Variants in GCN1 observed in about 807,000 individuals in gnomAD.
GCN1 encodes the protein GCN1 activator of EIF2AK4.
A neutral mutation model predicts 288.4 loss-of-function variants in GCN1; 90 were observed. The observed-to-expected ratio is 0.31, with a 90% CI of 0.26 to 0.37. The LOEUF (loss-of-function observed/expected upper bound fraction) is 0.37, where lower values mean the gene tolerates loss of function less well. GCN1 is among the 10% of genes least tolerant of loss of function. The pLI, the probability that GCN1 is intolerant of heterozygous loss-of-function variation, is 1.00. For missense variants in GCN1, 2,586 were observed against 3,419.9 expected (o/e 0.76, Z 6.08); for synonymous variants, 1,386 against 1,420.2 (o/e 0.98, Z 0.54).
At chr12:120,184,291 A>T in intron 3 of GCN1, 48 bp from the exon 4 acceptor site, 1 of 1,571,078 alleles carries the variant, frequency 6.4e-7, no homozygotes, top group Non-Finnish European at 8.6e-7. Flanking sequence ...CCTCAGGCAG[A>T]GGCAGGGGCA....
intron 1 of GCN1, among the ~76,000 whole-genome samples, chr12:120,192,954 T>G (rs974959859): frequency 6.6e-6 from 1 of 152,110 alleles, no homozygotes; most frequent in African/African-American, 2.4e-5. Context: ...GAGAATTGCT[T>G]GAACCTGGGA....
intron 45 of GCN1, 118 bp from the exon 46 acceptor site, chr12:120,138,974 T>C (rs764128408): frequency 3.3e-5 from 26 of 793,806 alleles, no homozygotes; most frequent in Non-Finnish European, 4.8e-5. Flanking sequence ...TCTCTTTGCC[T>C]GACTTGTCTT....
At chr12:120,166,660 C>T (rs1173169516) in intron 16 of GCN1, among the ~76,000 whole-genome samples, 3 of 147,736 alleles carry the variant, frequency 2.0e-5, no homozygotes, top group African/African-American at 5.0e-5. Context: ...GCTGAGATCG[C>T]GCCACTGCAC....
In GCN1 at chr12:120,184,109, TACCTGGGAAC is replaced by T; in HGVS notation, c.310_317+2del. The T allele has an allele frequency of 2.5e-6, 4 of 1,611,338 alleles. No homozygotes were observed. The highest frequency in any genetic ancestry group is 2.5e-6 in the Non-Finnish European group (3 of 1,178,272). On this transcript the variant is annotated splice_donor_variant and coding_sequence_variant, in exon 4 of 58. Transcript: ENST00000300648. LOFTEE classifies it high-confidence loss of function. ...TCAGGGGGCCACAACTTTTACCTCTTACCTGGGAACACCTGCTTTGGAGCCTATACCAGAA... is the reference window on the plus strand; with the variant it reads ...TCAGGGGGCCACAACTTTTACCTCTTACCTGCTTTGGAGCCTATACCAGAA...
Position 120,176,469 on chromosome 12 carries a change from A to G in GCN1, c.839-252T>C, listed in dbSNP as rs565716795. ...ACAGGGACAGAGACTCAACCCTCAGATCCCATGATTTCAAGTGCCACCTCC... is the reference window on the plus strand; with the variant it reads ...ACAGGGACAGAGACTCAACCCTCAGGTCCCATGATTTCAAGTGCCACCTCC... On this transcript the variant is annotated intron_variant, in intron 9 of 57. Coordinates refer to ENST00000300648, the MANE Select transcript of GCN1 (RefSeq NM_006836.2). Among the ~76,000 whole-genome samples the G allele has an allele frequency of 6.6e-5, 10 of 152,306 alleles. No homozygotes were observed. In the South Asian group the frequency reaches 8.3e-4, roughly 13 times the overall value.
rs1877757154 is a variant in GCN1 at position 120,156,625 on chromosome 12, C to T, written c.3169-21G>A. On this transcript the variant is annotated intron_variant, in intron 27 of 57. Coordinates refer to ENST00000300648, the MANE Select transcript of GCN1 (RefSeq NM_006836.2). This position sits in a 1 kb window ranked among gnomAD's most constrained non-coding sequence, Gnocchi z 5.8. ...AGAACCTAAGGAGAACATCAATCCA[C>T]TGGTTCAGTCAGCAACTCATTTACT... The T allele has an allele frequency of 6.2e-7, 1 of 1,612,796 alleles. No individual in the cohort carries two copies. Among genetic ancestry groups the T allele is most frequent in the Non-Finnish European group, 8.5e-7 (1 of 1,179,088 alleles).
chr12:120,158,494 G>A lies in GCN1; in HGVS notation c.2871C>T (p.His957=), dbSNP rs376783689. 1.5e-3 allele frequency: 2,346 copies of A among 1,562,122 alleles called. No individual in the cohort carries two copies. The highest frequency in any genetic ancestry group is 1.9e-3 in the Non-Finnish European group (2,170 of 1,152,788). The change falls in exon 25 of 58, where the codon CAC becomes CAT. Residue 957 remains histidine (H), a synonymous_variant. Coordinates refer to ENST00000300648, the MANE Select transcript of GCN1 (RefSeq NM_006836.2). The surrounding 1 kb of genome is among the most constrained non-coding windows in gnomAD (Gnocchi z 4.3). ...VKRAVMLLHT[H]TITSRVGKGE... ...CCTTGCCCACCCTGCTGGTGATGGTGTGGGTGTGCAGCAGCATCACCGCCC... is the reference window on the plus strand; with the variant it reads ...CCTTGCCCACCCTGCTGGTGATGGTATGGGTGTGCAGCAGCATCACCGCCC...
intron 38 of GCN1, 94 bp from the exon 39 acceptor site, chr12:120,145,424 C>G: frequency 1.0e-6 from 1 of 954,356 alleles, no homozygotes; most frequent in Admixed American, 3.0e-5. Flanking sequence ...ATTCTGCTGG[C>G]AAGGAGTGCT....
intron 44 of GCN1, among the ~76,000 whole-genome samples, chr12:120,141,560 G>A (rs1458213280): frequency 6.6e-6 from 1 of 152,170 alleles, no homozygotes; most frequent in Admixed American, 6.5e-5. Context: ...GCCCCTGCCA[G>A]CGCGCCAGCC....
At position 120,155,104 on chromosome 12, in the gene GCN1, G is replaced by T. The variant is rs1214446416; in HGVS notation, c.3631-64C>A. 9 of 1,538,754 alleles carry T rather than the reference G, an allele frequency of 5.8e-6. No individual in the cohort carries two copies. The highest frequency in any genetic ancestry group is 4.5e-5 in the East Asian group (2 of 44,514). On this transcript the variant is annotated intron_variant, in intron 30 of 57. Transcript: ENST00000300648. The surrounding 1 kb of genome is among the most constrained non-coding windows in gnomAD (Gnocchi z 4.9). ...GATCAATGACCTGGGCACCAGGATT[G>T]TGAGGCAGGAAACTAGCCGCAGCTA...
At chr12:120,130,803 G>A in intron 55 of GCN1, 50 bp from the exon 56 acceptor site, 2 of 1,233,640 alleles carry the variant, frequency 1.6e-6, no homozygotes, top group South Asian at 1.2e-5. Flanking sequence ...CCCTTCCCCA[G>A]AGCCAGGAAA....
At chr12:120,129,523 G>A in intron 56 of GCN1, 29 bp from the exon 57 acceptor site, 1 of 1,504,972 alleles carries the variant, frequency 6.6e-7, no homozygotes, top group South Asian at 1.1e-5. Context: ...ACAGGCTTTT[G>A]GATAGGCATG....
Position 120,144,077 on chromosome 12 carries a change from A to G in GCN1, c.5495+229T>C, listed in dbSNP as rs575067008. Among the ~76,000 whole-genome samples the G allele has an allele frequency of 6.6e-6, 1 of 152,318 alleles. No individual in the cohort carries two copies. The highest frequency in any genetic ancestry group is 6.5e-5 in the Admixed American group (1 of 15,304). On this transcript the variant is annotated intron_variant, in intron 42 of 57. Coordinates refer to ENST00000300648, the MANE Select transcript of GCN1 (RefSeq NM_006836.2). This position sits in a 1 kb window ranked among gnomAD's most constrained non-coding sequence, Gnocchi z 4.7. ...CTGCAACCTCTACCTCTGGGGCTCA[A>G]GTGATCCTTCCGCCTCAGCCTCCTG... is the stretch of plus-strand genomic sequence containing the variant.
intron 42 of GCN1, among the ~76,000 whole-genome samples, chr12:120,143,523 G>C (rs562054367): frequency 1.3e-5 from 2 of 151,748 alleles, no homozygotes; most frequent in Non-Finnish European, 2.9e-5. Flanking sequence ...CAGAGGTTGC[G>C]GTGAGCCGAG....
At chr12:120,173,443 T>G (rs555631084) in intron 14 of GCN1, among the ~76,000 whole-genome samples, 44 of 152,380 alleles carry the variant, frequency 2.9e-4, no homozygotes, top group African/African-American at 1.1e-3. Context: ...CTTTGTACTT[T>G]GAAAGTCTGA....
chr12:120,172,393 G>A (rs1050674433), intron 14 of GCN1, among the ~76,000 whole-genome samples: 5 of 152,136 alleles, frequency 3.3e-5, no homozygotes, highest in Admixed American at 1.3e-4. Flanking sequence ...AATCTCTTAT[G>A]GTCAGATTCT....
chr12:120,147,190 C>T lies in GCN1; in HGVS notation c.4809G>A (p.Lys1603=). Reference sequence around the variant, plus strand: ...ATGGGGCATCAATGAAGTGGACAAACTTGGTGTCCAGCAGGGTCTGCAAGC... The same window carrying T: ...ATGGGGCATCAATGAAGTGGACAAATTTGGTGTCCAGCAGGGTCTGCAAGC... ...QKCLQTLLDT[K]FVHFIDAPSL... Residue 1603 remains lysine (K), a synonymous_variant, in exon 38 of 58, where the codon AAG becomes AAA. Coordinates refer to ENST00000300648, the MANE Select transcript of GCN1 (RefSeq NM_006836.2). 6.2e-7 allele frequency: 1 copy of T among 1,612,674 alleles called. No individual in the cohort carries two copies. The highest frequency in any genetic ancestry group is 8.5e-7 in the Non-Finnish European group (1 of 1,178,778).
intron 2 of GCN1, among the ~76,000 whole-genome samples, chr12:120,189,675 G>T (rs1878942156): frequency 6.6e-6 from 1 of 152,114 alleles, no homozygotes; most frequent in Non-Finnish European, 1.5e-5. Context: ...CCAAGGCCAT[G>T]GTTCTAAAGA....
intron 55 of GCN1, among the ~76,000 whole-genome samples, chr12:120,130,969 G>A (rs1373891649): frequency 1.3e-5 from 2 of 152,144 alleles, no homozygotes; most frequent in Non-Finnish European, 2.9e-5. Context: ...CCCAGAAGGG[G>A]CATCTAGATT....
Sources: allele counts gnomAD v4.1 joint callset (sites outside exome capture counted in the v4.1 genomes callset), GRCh38; gene constraint gnomAD v4.1.1; non-coding constraint Gnocchi (gnomAD v3.1); transcripts MANE v1.5; gene names NCBI Gene and HGNC (gene_info 2026-07-23, HGNC 2026-07-21).